TNN: variants seen among roughly 807,000 people sequenced by gnomAD.
The protein encoded by TNN is tenascin N.
Under a neutral mutation model 134.4 loss-of-function variants are expected in TNN, and 122 were observed. That is an observed-to-expected ratio of 0.91 (90% confidence interval 0.78 to 1.06). The LOEUF (loss-of-function observed/expected upper bound fraction) is 1.06. Among genes scored for constraint, TNN ranks in the 50% least tolerant of loss-of-function variants. The probability of loss-of-function intolerance (pLI) is 0.00; values close to 1 mark genes in which losing one functional copy is unlikely to be tolerated. For synonymous variants in TNN, 710 were observed against 670.3 expected (o/e 1.06, Z -0.91); for missense variants, 1,739 against 1,699.4 (o/e 1.02, Z -0.41).
chr1:175,141,369 T>C (rs2101854460), intron 17 of TNN, among the ~76,000 whole-genome samples: 1 of 152,200 alleles, frequency 6.6e-6, no homozygotes, highest in Admixed American at 6.5e-5. Context: ...TGGGCCACAG[T>C]GGGGACACAA....
chr1:175,128,411 C>A (rs41266090), intron 14 of TNN, among the ~76,000 whole-genome samples, 184 bp from the exon 15 acceptor site: 2,113 of 152,220 alleles, frequency 0.014, 26 homozygotes, highest in Non-Finnish European at 0.021. Context: ...TGAACTTGAC[C>A]TTTTCCTGGT....
chr1:175,097,141 A>G (rs1674589497), intron 7 of TNN, among the ~76,000 whole-genome samples: 1 of 152,224 alleles, frequency 6.6e-6, no homozygotes, highest in Non-Finnish European at 1.5e-5. Context: ...GAATGTGAAG[A>G]CCAATTATTT....
chr1:175,126,980 T>C lies in TNN; in HGVS notation c.2940T>C (p.Arg980=). The C allele has an allele frequency of 6.2e-7, 1 of 1,613,884 alleles. No individual in the cohort carries two copies. Among genetic ancestry groups the C allele is most frequent in the Non-Finnish European group, 8.5e-7 (1 of 1,179,920 alleles). ...QTELDPPRNL[R]PSAVTQSGGI... is the part of the protein sequence containing the mutation. ...AACTCGACCCTCCCAGAAACCTTCG[T>C]CCATCTGCTGTAACGCAGTCTGGTG... Residue 980 remains arginine (R), a synonymous_variant, in exon 13 of 19, where the codon CGT becomes CGC. Transcript: ENST00000239462.
intron 18 of TNN, among the ~76,000 whole-genome samples, chr1:175,145,797 G>A (rs1019166213): frequency 1.3e-5 from 2 of 151,982 alleles, no homozygotes; most frequent in Non-Finnish European, 2.9e-5. Context: ...CTCTGCCCCA[G>A]TGCATCATCC....
intron 11 of TNN, among the ~76,000 whole-genome samples, chr1:175,119,629 C>CTTTTTTTTTTTTTTTTTTTTTTTTTT (rs757564360): frequency 7.5e-6 from 1 of 133,498 alleles, no homozygotes. Context: ...CCATGAATGC[C>CTTTTTTTTTTTTTTTTTTTTTTTTTT]TTTTTTTTCT....
chr1:175,083,704 C>G, intron 4 of TNN, 46 bp from the exon 5 acceptor site: 1 of 1,584,748 alleles, frequency 6.3e-7, no homozygotes. Flanking sequence ...ACCTTGGAAC[C>G]TCTGCTCTTC....
At chr1:175,110,670 G>T (rs1299790872) in intron 9 of TNN, among the ~76,000 whole-genome samples, 1 of 152,178 alleles carries the variant, frequency 6.6e-6, no homozygotes, top group African/African-American at 2.4e-5. Flanking sequence ...AAAATCAGTT[G>T]GCAGTAAATA....
chr1:175,096,837 G>GC (rs1674582898), intron 7 of TNN, among the ~76,000 whole-genome samples: 1 of 152,146 alleles, frequency 6.6e-6, no homozygotes, highest in Non-Finnish European at 1.5e-5. Flanking sequence ...AAGAGATGGA[G>GC]CCCAGGTTCT....
At chr1:175,141,381 C>T (rs12080467) in intron 17 of TNN, among the ~76,000 whole-genome samples, 163 of 152,192 alleles carry the variant, frequency 1.1e-3, no homozygotes, top group African/African-American at 3.8e-3. Flanking sequence ...GGGACACAAC[C>T]AGGGATGGAT....
rs79014414 is a variant in TNN at position 175,072,016 on chromosome 1, C to A, written c.-36+4081C>A. Among the ~76,000 whole-genome samples, 391 of 152,264 alleles carry A rather than the reference C, an allele frequency of 2.6e-3. 3 individuals are homozygous for A. The highest frequency in any genetic ancestry group is 9.1e-3 in the African/African-American group (377 of 41,552). ...CACAAGGATACCTGGGCTAGAAACACGCATACAGATTTGGCAACTGTCAAC... is the reference window on the plus strand; with the variant it reads ...CACAAGGATACCTGGGCTAGAAACAAGCATACAGATTTGGCAACTGTCAAC... On this transcript the variant is annotated intron_variant, in intron 1 of 18. Coordinates refer to ENST00000239462, the MANE Select transcript of TNN (RefSeq NM_022093.2).
chr1:175,105,624 A>G (rs1375818973), intron 9 of TNN, among the ~76,000 whole-genome samples: 1 of 145,596 alleles, frequency 6.9e-6, no homozygotes, highest in African/African-American at 2.5e-5. Context: ...ATAGTATTGT[A>G]ATTTGTGCTT....
intron 15 of TNN, among the ~76,000 whole-genome samples, chr1:175,134,234 C>T (rs1675742451): frequency 6.6e-6 from 1 of 152,182 alleles, no homozygotes; most frequent in Non-Finnish European, 1.5e-5. Flanking sequence ...TTAACCACAT[C>T]CCCAAATGAG....
intron 15 of TNN, among the ~76,000 whole-genome samples, chr1:175,129,496 T>G (rs545951710): frequency 6.6e-6 from 1 of 151,442 alleles, no homozygotes; most frequent in African/African-American, 2.4e-5. Flanking sequence ...TTGGTTAGAC[T>G]AAGGCTGATG....
At chr1:175,085,738 GT>G (rs1430747658) in intron 6 of TNN, among the ~76,000 whole-genome samples, 1 of 152,108 alleles carries the variant, frequency 6.6e-6, no homozygotes, top group East Asian at 1.9e-4. Flanking sequence ...GCTGGGCGTG[GT>G]GGCGCATGCC....
At chr1:175,080,645 T>A (rs1012621210) in intron 4 of TNN, among the ~76,000 whole-genome samples, 8 of 152,162 alleles carry the variant, frequency 5.3e-5, no homozygotes, top group African/African-American at 1.9e-4. Context: ...TGGGGGCTCA[T>A]GGGGTCTTCT....
chr1:175,108,906 A>C (rs562777788), intron 9 of TNN, among the ~76,000 whole-genome samples: 1,999 of 151,610 alleles, frequency 0.013, 18 homozygotes, highest in Non-Finnish European at 0.019. Flanking sequence ...AGGGGCTCCC[A>C]CAGTGTAGTG....
Position 175,100,672 on chromosome 1 carries a change from A to G in TNN, c.2119+2077A>G, listed in dbSNP as rs79123724. Among the ~76,000 whole-genome samples the G allele has an allele frequency of 1.3e-3, 192 of 149,966 alleles. 2 individuals are homozygous for G. The highest frequency in any genetic ancestry group is 0.011 in the Admixed American group (160 of 15,076). ...TGACTTTGGGAAAACGGCTTTTGCA[A>G]TGAATTATTTAGGACAAAGAAATGC... On this transcript the variant is annotated intron_variant, in intron 9 of 18. Transcript: ENST00000239462.
At chr1:175,118,488 C>G (rs751089143) in intron 10 of TNN, 73 bp from the exon 11 acceptor site, 1 of 1,568,872 alleles carries the variant, frequency 6.4e-7, no homozygotes, top group Non-Finnish European at 8.7e-7. Context: ...TTTCACCCCA[C>G]GCAAAATGAC....
Position 175,078,453 on chromosome 1 carries a change from G to A in TNN, c.409+626G>A, listed in dbSNP as rs144940072. 9.9e-3 allele frequency among the ~76,000 whole-genome samples: 1,513 copies of A among 152,084 alleles called. 10 individuals carry two copies. The highest frequency in any genetic ancestry group is 0.016 in the Non-Finnish European group (1,059 of 67,976). ...GAAGGTTCTCCCCCAACGCAACCCC[G>A]TCACTTTTAAACATAAACTGCCCAG... On this transcript the variant is annotated intron_variant, in intron 2 of 18. Transcript: ENST00000239462.
Sources: allele counts gnomAD v4.1 joint callset (sites outside exome capture counted in the v4.1 genomes callset), GRCh38; gene constraint gnomAD v4.1.1; transcripts MANE v1.5; gene names NCBI Gene and HGNC (gene_info 2026-07-23, HGNC 2026-07-21).